The following GALNT17 variants were observed in gnomAD, a reference collection of about 807,000 sequenced individuals.
GALNT17 encodes the protein polypeptide N-acetylgalactosaminyltransferase 17.
A neutral mutation model predicts 63.7 loss-of-function variants in GALNT17; 29 were observed. The ratio of observed to expected loss-of-function variants is 0.46; its 90% CI spans 0.34 to 0.62. The LOEUF is 0.62. Ranked by LOEUF, GALNT17 falls within the 20% of genes least tolerant of loss-of-function variation. The pLI is 0.01. For missense variants in GALNT17, 603 were observed against 799.6 expected (o/e 0.75, Z 2.97); for synonymous variants, 305 against 318.3 (o/e 0.96, Z 0.45).
At chr7:71,362,532 T>C (rs1170066393) in intron 2 of GALNT17, among the ~76,000 whole-genome samples, 1 of 152,156 alleles carries the variant, frequency 6.6e-6, no homozygotes, top group Non-Finnish European at 1.5e-5. Context: ...CCTGCAAATA[T>C]CAAGATTAAC....
intron 4 of GALNT17, 56 bp downstream of exon 4, chr7:71,416,119 G>A (rs962410126): frequency 3.7e-5 from 57 of 1,540,428 alleles, no homozygotes; most frequent in Non-Finnish European, 4.8e-5. Context: ...GGTTGAGAGG[G>A]GCTGGAATCT....
chr7:71,623,437 A>T (rs1790324897), intron 6 of GALNT17, among the ~76,000 whole-genome samples: 1 of 149,786 alleles, frequency 6.7e-6, no homozygotes, highest in Non-Finnish European at 1.5e-5. Context: ...TTTATTTTTG[A>T]GACAGAGTCT....
At chr7:71,428,735 C>T (rs1452073027) in intron 5 of GALNT17, among the ~76,000 whole-genome samples, 2 of 152,202 alleles carry the variant, frequency 1.3e-5, no homozygotes, top group Non-Finnish European at 2.9e-5. Flanking sequence ...CTGCGCCCGG[C>T]TGACATCGTT....
At chr7:71,666,575 T>C (rs1790988953) in intron 7 of GALNT17, among the ~76,000 whole-genome samples, 1 of 151,834 alleles carries the variant, frequency 6.6e-6, no homozygotes, top group Admixed American at 6.6e-5. Flanking sequence ...TCCCCTGAAG[T>C]CCCCAAAGTC....
chr7:71,256,662 G>A (rs1380627873), intron 1 of GALNT17, among the ~76,000 whole-genome samples: 1 of 152,218 alleles, frequency 6.6e-6, no homozygotes, highest in African/African-American at 2.4e-5. Flanking sequence ...ACTTCCTGAG[G>A]CTGTGTCACA....
intron 1 of GALNT17, among the ~76,000 whole-genome samples, chr7:71,269,246 C>T (rs1408800966): frequency 6.6e-6 from 1 of 152,202 alleles, no homozygotes; most frequent in African/African-American, 2.4e-5. Context: ...GGTAGGATCA[C>T]TTGAGGCCAG....
intron 1 of GALNT17, among the ~76,000 whole-genome samples, chr7:71,227,431 G>A (rs1442768779): frequency 6.6e-6 from 1 of 151,836 alleles, no homozygotes; most frequent in Non-Finnish European, 1.5e-5. Flanking sequence ...CTGGTCCCTG[G>A]GAGAACTCAG....
intron 6 of GALNT17, among the ~76,000 whole-genome samples, chr7:71,627,470 G>C (rs1790390862): frequency 6.6e-6 from 1 of 152,176 alleles, no homozygotes; most frequent in African/African-American, 2.4e-5. Flanking sequence ...ATGACCTTCA[G>C]AGCTTGCCAT....
In GALNT17 at chr7:71,679,000, A is replaced by G. The variant is rs1024577214; in HGVS notation, c.1500+1694A>G. 3.1e-4 allele frequency among the ~76,000 whole-genome samples: 47 copies of G among 151,700 alleles called. 1 individual carries two copies. Among genetic ancestry groups the G allele is most frequent in the Non-Finnish European group, 7.4e-5 (5 of 67,984 alleles). On this transcript the variant is annotated intron_variant, in intron 9 of 10. Transcript: ENST00000333538. ...GTCAAATGCGATCCATTTAAATCCA[A>G]GTTATTTATGGAGCACCATCACCAT... is the stretch of plus-strand genomic sequence containing the variant.
intron 1 of GALNT17, among the ~76,000 whole-genome samples, chr7:71,149,476 G>C (rs372404531): frequency 5.9e-5 from 9 of 151,988 alleles, no homozygotes; most frequent in Non-Finnish European, 1.0e-4. Context: ...CTGTAGGGGG[G>C]GCGAAACGTG....
chr7:71,558,629 C>T (rs896902737), intron 5 of GALNT17, among the ~76,000 whole-genome samples: 3 of 152,074 alleles, frequency 2.0e-5, no homozygotes, highest in African/African-American at 4.8e-5. Context: ...TATAAAGTGT[C>T]GATGGCTGAC....
intron 6 of GALNT17, among the ~76,000 whole-genome samples, chr7:71,660,939 T>A (rs998377167): frequency 6.6e-6 from 1 of 152,182 alleles, no homozygotes; most frequent in African/African-American, 2.4e-5. Flanking sequence ...CTCCCAGGCA[T>A]CTTCCAGCCT....
intron 4 of GALNT17, among the ~76,000 whole-genome samples, chr7:71,416,831 C>T (rs1298763120): frequency 1.3e-5 from 2 of 152,120 alleles, no homozygotes; most frequent in Non-Finnish European, 2.9e-5. Flanking sequence ...TTATCTTTCA[C>T]ATCATTCGGA....
At chr7:71,628,469 T>A (rs1790408247) in intron 6 of GALNT17, among the ~76,000 whole-genome samples, 6 of 151,988 alleles carry the variant, frequency 3.9e-5, no homozygotes. Flanking sequence ...ATTACAGGCG[T>A]GTACCACCAC....
chr7:71,303,960 C>CGGCT (rs1457361239), intron 1 of GALNT17, among the ~76,000 whole-genome samples: 1 of 152,148 alleles, frequency 6.6e-6, no homozygotes, highest in East Asian at 1.9e-4. Context: ...TGCAAACAAT[C>CGGCT]GGCTTTTCTT....
intron 5 of GALNT17, among the ~76,000 whole-genome samples, chr7:71,467,591 A>G (rs1488361816): frequency 6.6e-6 from 1 of 152,178 alleles, no homozygotes; most frequent in African/African-American, 2.4e-5. Context: ...CAAAAAAAAA[A>G]AATGACATTT....
chr7:71,157,851 C>G (rs2116238585), intron 1 of GALNT17, among the ~76,000 whole-genome samples: 1 of 151,794 alleles, frequency 6.6e-6, no homozygotes, highest in South Asian at 2.1e-4. Flanking sequence ...GTTTTTAACT[C>G]CCAAATATGA....
intron 1 of GALNT17, among the ~76,000 whole-genome samples, chr7:71,245,734 G>A (rs1216578966): frequency 6.6e-6 from 1 of 152,092 alleles, no homozygotes; most frequent in African/African-American, 2.4e-5. Flanking sequence ...TTAGCTTCTG[G>A]AGGTGGAAAA....
chr7:71,437,889 T>G (rs1220627783), intron 5 of GALNT17, among the ~76,000 whole-genome samples: 2 of 152,122 alleles, frequency 1.3e-5, no homozygotes, highest in African/African-American at 4.8e-5. Context: ...TTATTTTTAT[T>G]TTTTGTAGAA....
Sources: allele counts gnomAD v4.1 joint callset (sites outside exome capture counted in the v4.1 genomes callset), GRCh38; gene constraint gnomAD v4.1.1; transcripts MANE v1.5; gene names NCBI Gene and HGNC (gene_info 2026-07-23, HGNC 2026-07-21).